The following PCDHGB2 variants were observed in gnomAD, a reference collection of about 807,000 sequenced individuals.
The protein encoded by PCDHGB2 is protocadherin gamma-B2.
A neutral mutation model predicts 59.3 loss-of-function variants in PCDHGB2; 55 were observed. The observed-to-expected ratio is 0.93, with a 90% CI of 0.75 to 1.16. The LOEUF (loss-of-function observed/expected upper bound fraction) is 1.16, where lower values mean the gene tolerates loss of function less well. Ranked by LOEUF, PCDHGB2 falls within the 50% of genes most tolerant of loss-of-function variation. PCDHGB2 has a pLI of 0.00. For missense variants in PCDHGB2, 1,228 were observed against 1,198.5 expected, an observed-to-expected ratio of 1.02 and a Z score of -0.36; for synonymous variants, 516 against 512.0, an observed-to-expected ratio of 1.01 and a Z score of -0.11.
At chr5:141,384,254 T>A in intron 1 of PCDHGB2, 3 of 1,613,674 alleles carry the variant, frequency 1.9e-6, no homozygotes, top group Non-Finnish European at 2.5e-6. Context: ...CCACCCACCT[T>A]CCCCCACTCA....
At chr5:141,384,244 C>T in intron 1 of PCDHGB2, 1 of 1,613,828 alleles carries the variant, frequency 6.2e-7, no homozygotes, top group Middle Eastern at 1.6e-4. Flanking sequence ...CAACGATAAC[C>T]CACCCACCTT....
chr5:141,361,630 C>T lies in PCDHGB2; in HGVS notation c.1495C>T (p.Arg499Trp), dbSNP rs1174960250. Residue 499 changes from arginine (R) to tryptophan (W), a missense_variant, in exon 1 of 4, where the codon CGG becomes TGG. By Grantham distance (101) the Arg-to-Trp change is moderately radical. This residue lies in a region of PCDHGB2 where 781 missense variants were observed against 721.6 expected (regional missense o/e 1.08). Coordinates refer to ENST00000522605, the MANE Select transcript of PCDHGB2 (RefSeq NM_018923.3). ...CATCGTAGCGAGCGACCTGAAGCCG[C>T]GGGAGATTTTATCCTACGTGTCCGT... ...YSIVASDLKP[R>W]EILSYVSVSA... 2 of 1,613,914 alleles carry T rather than the reference C, an allele frequency of 1.2e-6. No homozygotes were observed. Among genetic ancestry groups the T allele is most frequent in the South Asian group, 1.1e-5 (1 of 91,078 alleles).
Position 141,400,678 on chromosome 5 carries a change from T to A in PCDHGB2, c.2421+38122T>A. ...ACCATTCTTTAAGAGGAGCAGTAAA[T>A]TGTGAGTTTTTATGTCGCATAAAAG... On this transcript the variant is annotated intron_variant, in intron 1 of 3. Coordinates refer to ENST00000522605, the MANE Select transcript of PCDHGB2 (RefSeq NM_018923.3). 4.5e-6 allele frequency: 4 copies of A among 882,002 alleles called. No homozygotes were observed. In the South Asian group the frequency reaches 6.9e-5, roughly 15 times the overall value. The allele number at this position is 882,002 out of a possible 1,614,324, so 54.6% of individuals were successfully genotyped here.
intron 1 of PCDHGB2, chr5:141,421,118 T>A (rs572827470): frequency 1.3e-6 from 1 of 771,946 alleles, no homozygotes; most frequent in South Asian, 1.9e-5. Flanking sequence ...GTATTTTCCT[T>A]CGCTTTCTGA....
intron 1 of PCDHGB2, among the ~76,000 whole-genome samples, chr5:141,472,147 G>T (rs2099272889): frequency 6.6e-6 from 1 of 152,112 alleles, no homozygotes; most frequent in South Asian, 2.1e-4. Flanking sequence ...AAAGTTTCAT[G>T]GTTACATAGC....
chr5:141,386,522 C>CG (rs1554089719), intron 1 of PCDHGB2, among the ~76,000 whole-genome samples: 3 of 152,174 alleles, frequency 2.0e-5, no homozygotes, highest in Admixed American at 2.0e-4. Context: ...CAAAAAAAGA[C>CG]TCTTTTTAGA....
intron 1 of PCDHGB2, chr5:141,442,378 GGT>G (rs2098320015): frequency 6.6e-6 from 1 of 152,334 alleles, no homozygotes; most frequent in Middle Eastern, 3.4e-3. Context: ...ATTCCTACCA[GGT>G]GTGTGCTTCT....
Position 141,389,969 on chromosome 5 carries a change from C to T in PCDHGB2, c.2421+27413C>T, listed in dbSNP as rs762168749. 10 of 1,614,042 alleles carry T rather than the reference C, an allele frequency of 6.2e-6. No individual in the cohort carries two copies. In the South Asian group the frequency reaches 1.1e-4, roughly 18 times the overall value. On this transcript the variant is annotated intron_variant, in intron 1 of 3. Coordinates refer to ENST00000522605, the MANE Select transcript of PCDHGB2 (RefSeq NM_018923.3). ...AGTTTTACCTAGTGGTGGCCTTGGC[C>T]TTGATCTCAGTGCTCTTCCTCGTGG...
Position 141,432,951 on chromosome 5 carries a change from G to T in PCDHGB2, c.2422-61856G>T, listed in dbSNP as rs758046420. 1.2e-6 allele frequency: 2 copies of T among 1,614,178 alleles called. No individual in the cohort carries two copies. The highest frequency in any genetic ancestry group is 4.5e-5 in the East Asian group (2 of 44,858). On this transcript the variant is annotated intron_variant, in intron 1 of 3. Coordinates refer to ENST00000522605, the MANE Select transcript of PCDHGB2 (RefSeq NM_018923.3). This position sits in a 1 kb window ranked among gnomAD's most constrained non-coding sequence, Gnocchi z 6.0. ...CGCCTGCTGCAGGCTTCAGGAGGCGGCTTGACAGGAGCGCCGGCGTCGCAC... is the reference window on the plus strand; with the variant it reads ...CGCCTGCTGCAGGCTTCAGGAGGCGTCTTGACAGGAGCGCCGGCGTCGCAC...
chr5:141,477,221 A>G lies in PCDHGB2; in HGVS notation c.2422-17586A>G, dbSNP rs771608717. 1 of 1,614,178 alleles carries G rather than the reference A, an allele frequency of 6.2e-7. No homozygotes were observed. The highest frequency in any genetic ancestry group is 8.5e-7 in the Non-Finnish European group (1 of 1,180,044). ...AGTACCCGAGGATGCCCCTCTGGGG[A>G]CTGTCATCGCTTTGCTCAGTGTGAC... On this transcript the variant is annotated intron_variant, in intron 1 of 3. Coordinates refer to ENST00000522605, the MANE Select transcript of PCDHGB2 (RefSeq NM_018923.3). This position sits in a 1 kb window ranked among gnomAD's most constrained non-coding sequence, Gnocchi z 4.9.
In PCDHGB2 at chr5:141,417,855, G is replaced by T. The variant is rs1436078486; in HGVS notation, c.2421+55299G>T. The T allele has an allele frequency of 2.6e-6, 4 of 1,544,916 alleles. No individual in the cohort carries two copies. In the Admixed American group the frequency reaches 8.0e-5, roughly 31 times the overall value. ...GCGGGGACCCAGCGAGAACCCGAGC[G>T]AACGATGGGAGGGAGCTGCGCGCAG... On this transcript the variant is annotated intron_variant, in intron 1 of 3. Transcript: ENST00000522605.
chr5:141,362,306 G>A lies in PCDHGB2; in HGVS notation c.2171G>A (p.Trp724Ter). 1 of 1,614,050 alleles carries A rather than the reference G, an allele frequency of 6.2e-7. No individual in the cohort carries two copies. The highest frequency in any genetic ancestry group is 8.5e-7 in the Non-Finnish European group (1 of 1,179,906). ...CGACTCTCTTCCAGGTCAGATGCTTGGGACTGTTTTCAGCCTGGTCTCAGC... is the reference window on the plus strand; with the variant it reads ...CGACTCTCTTCCAGGTCAGATGCTTAGGACTGTTTTCAGCCTGGTCTCAGC... ...RLRLSSRSDA[W>*]DCFQPGLSSK... Residue 724 changes from tryptophan to a stop codon, truncating the protein, a stop_gained, in exon 1 of 4, where the codon TGG becomes TAG. Coordinates refer to ENST00000522605, the MANE Select transcript of PCDHGB2 (RefSeq NM_018923.3). LOFTEE classifies it high-confidence loss of function.
At chr5:141,427,774 G>A (rs760144039) in intron 1 of PCDHGB2, 1 of 1,420,908 alleles carries the variant, frequency 7.0e-7, no homozygotes, top group Non-Finnish European at 9.8e-7. Context: ...TTGGAGCTGC[G>A]GGCACTGTCG....
intron 1 of PCDHGB2, chr5:141,395,206 A>G (rs773754361): frequency 1.2e-6 from 2 of 1,613,736 alleles, no homozygotes; most frequent in South Asian, 1.1e-5. Context: ...GTAGATTTTC[A>G]TGAATATAAG....
Position 141,444,232 on chromosome 5 carries a change from C to T in PCDHGB2, c.2422-50575C>T, listed in dbSNP as rs1411172798. Among the ~76,000 whole-genome samples the T allele has an allele frequency of 2.5e-5, 3 of 122,350 alleles. No individual in the cohort carries two copies. In the Admixed American group the frequency reaches 3.3e-4, roughly 14 times the overall value. The allele number at this position is 122,350 out of a possible 152,430, so 80.3% of individuals were successfully genotyped here. ...TGTTGCCCAGGCTGGAGTGCAATGG[C>T]ATGCTCTCGGCTCACTGCAACCTCC... is the stretch of plus-strand genomic sequence containing the variant. On this transcript the variant is annotated intron_variant, in intron 1 of 3. Coordinates refer to ENST00000522605, the MANE Select transcript of PCDHGB2 (RefSeq NM_018923.3).
intron 1 of PCDHGB2, among the ~76,000 whole-genome samples, chr5:141,364,017 G>C (rs535899523): frequency 1.3e-5 from 2 of 152,304 alleles, no homozygotes; most frequent in South Asian, 2.1e-4. Context: ...ACGCTACACA[G>C]TTAAACATTA....
intron 1 of PCDHGB2, chr5:141,418,184 G>A: frequency 6.2e-7 from 1 of 1,614,096 alleles, no homozygotes; most frequent in Non-Finnish European, 8.5e-7. Flanking sequence ...ATTGGAAGCT[G>A]TGGTGGAAAA....
chr5:141,414,965 C>T lies in PCDHGB2; in HGVS notation c.2421+52409C>T, dbSNP rs564450666. On this transcript the variant is annotated intron_variant, in intron 1 of 3. Coordinates refer to ENST00000522605, the MANE Select transcript of PCDHGB2 (RefSeq NM_018923.3). ...GGCTACCTGGTGACCAAGGTGGTGG[C>T]GGTGGACAGAGACTCCGGCCAGAAC... The T allele has an allele frequency of 7.9e-5, 127 of 1,613,962 alleles. No homozygotes were observed. The highest frequency in any genetic ancestry group is 7.7e-5 in the Non-Finnish European group (91 of 1,180,046).
chr5:141,484,940 G>C, intron 1 of PCDHGB2: 1 of 541,138 alleles, frequency 1.8e-6, no homozygotes, highest in Non-Finnish European at 3.3e-6. Flanking sequence ...GACGTTCTCT[G>C]CTCAGCCTAT....
Sources: gnomAD v4.1 joint callset for allele counts (sites outside exome capture counted in the v4.1 genomes callset) on GRCh38, gnomAD v4.1.1 for gene constraint, gnomAD v4.1.1 regional missense constraint, Gnocchi (gnomAD v3.1) non-coding constraint, MANE v1.5 for transcripts, NCBI Gene and HGNC (gene_info 2026-07-23, HGNC 2026-07-21) for gene names.